Variants in EGFLAM observed in about 807,000 individuals in gnomAD.
EGFLAM encodes EGF like, fibronectin type III and laminin G domains, also known as pikachurin.
In EGFLAM, 79 loss-of-function variants were observed where a neutral mutation model predicts 113.1. The observed-to-expected ratio is 0.70, with a 90% CI of 0.58 to 0.84. The LOEUF is 0.84. Ranked by LOEUF, EGFLAM falls within the 40% of genes least tolerant of loss-of-function variation. The pLI, the probability that EGFLAM is intolerant of heterozygous loss-of-function variation, is 0.00. For synonymous variants in EGFLAM, 504 were observed against 487.6 expected (o/e 1.03, Z -0.44); for missense variants, 1,265 against 1,291.6 (o/e 0.98, Z 0.32).
rs772420859 is a variant in EGFLAM, at chr5:38,350,604, C to G, written c.395C>G (p.Thr132Ser). ...KGRLSSPRHV[T>S]TLSQDSCLPP... ...CGGCTGAGCTCTCCTCGGCATGTCA[C>G]CACTTTGTCCCAAGGTAAAGTAGGT... Residue 132 changes from threonine (T) to serine (S), a missense_variant, in exon 4 of 22, where the codon ACC becomes AGC. Transcript: ENST00000322350. 1 of 1,613,910 alleles carries G rather than the reference C, an allele frequency of 6.2e-7. No homozygotes were observed. The highest frequency in any genetic ancestry group is 2.2e-5 in the East Asian group (1 of 44,866).
chr5:38,351,656 A>T (rs188629908), intron 4 of EGFLAM, among the ~76,000 whole-genome samples: 129 of 152,300 alleles, frequency 8.5e-4, no homozygotes, highest in Non-Finnish European at 4.0e-4. Context: ...TGATGGGATC[A>T]TGGGTGACTC....
chr5:38,306,904 T>C (rs1217842029), intron 1 of EGFLAM, among the ~76,000 whole-genome samples: 2 of 152,192 alleles, frequency 1.3e-5, no homozygotes, highest in African/African-American at 2.4e-5. Flanking sequence ...GTAACTACTA[T>C]ATGAAGAGTC....
chr5:38,327,806 A>G (rs2589827), intron 1 of EGFLAM, among the ~76,000 whole-genome samples: 57,141 of 152,038 alleles, frequency 0.38, 14,506 homozygotes, highest in African/African-American at 0.72. Context: ...ACTGAACCAC[A>G]GACTTTATTT....
intron 1 of EGFLAM, among the ~76,000 whole-genome samples, chr5:38,287,979 G>T (rs982870299): frequency 6.6e-6 from 1 of 151,964 alleles, no homozygotes; most frequent in Non-Finnish European, 1.5e-5. Context: ...TTAACGCTTT[G>T]GAAAATTCCA....
chr5:38,456,213 A>T (rs186657892), intron 19 of EGFLAM, among the ~76,000 whole-genome samples: 7 of 152,240 alleles, frequency 4.6e-5, no homozygotes, highest in Admixed American at 3.3e-4. Context: ...ATTCCCTAGG[A>T]TTCTTCAGGG....
chr5:38,407,294 C>A, intron 8 of EGFLAM, 148 bp downstream of exon 8: 2 of 910,136 alleles, frequency 2.2e-6, no homozygotes, highest in Non-Finnish European at 1.6e-6. Flanking sequence ...ATTAACTATA[C>A]AAGGCAAATT....
At chr5:38,380,517 T>C (rs773168112) in intron 6 of EGFLAM, among the ~76,000 whole-genome samples, 6 of 152,086 alleles carry the variant, frequency 3.9e-5, no homozygotes, top group African/African-American at 4.8e-5. Flanking sequence ...GGCCAATGAG[T>C]CAGTGAGCTT....
intron 11 of EGFLAM, among the ~76,000 whole-genome samples, chr5:38,417,347 C>CAAAAAAAAACAAA (rs1741677977): frequency 1.5e-4 from 12 of 78,440 alleles, no homozygotes; most frequent in Non-Finnish European, 1.8e-4. Context: ...GACTCTGTCT[C>CAAAAAAAAACAAA]AAAAAAAAAA....
intron 1 of EGFLAM, among the ~76,000 whole-genome samples, chr5:38,263,308 A>G (rs1237221232): frequency 1.3e-5 from 2 of 152,088 alleles, no homozygotes; most frequent in Admixed American, 6.5e-5. Context: ...CAAAAAATAC[A>G]AAAATTAGCC....
intron 1 of EGFLAM, among the ~76,000 whole-genome samples, chr5:38,325,358 G>C (rs905624668): frequency 6.6e-6 from 1 of 152,184 alleles, no homozygotes; most frequent in Admixed American, 6.5e-5. Context: ...CTTACTACTG[G>C]TCCCTTCAGT....
At chr5:38,449,674 A>G (rs983029902) in intron 18 of EGFLAM, among the ~76,000 whole-genome samples, 1 of 149,990 alleles carries the variant, frequency 6.7e-6, no homozygotes, top group Admixed American at 6.7e-5. Flanking sequence ...GTGCGCATGC[A>G]TGTGTGTGTG....
At chr5:38,266,582 C>T in intron 1 of EGFLAM, among the ~76,000 whole-genome samples, 1 of 152,224 alleles carries the variant, frequency 6.6e-6, no homozygotes, top group African/African-American at 2.4e-5. Flanking sequence ...TTATTCTTTT[C>T]TATAGGTATT....
At chr5:38,285,417 C>T (rs957773469) in intron 1 of EGFLAM, among the ~76,000 whole-genome samples, 8 of 152,166 alleles carry the variant, frequency 5.3e-5, no homozygotes, top group African/African-American at 1.2e-4. Context: ...ACTGTCACAA[C>T]GGCCTCATTG....
At chr5:38,341,068 T>C (rs1250899217) in intron 3 of EGFLAM, among the ~76,000 whole-genome samples, 1 of 152,150 alleles carries the variant, frequency 6.6e-6, no homozygotes, top group African/African-American at 2.4e-5. Context: ...ACATATATCA[T>C]AGTGTGTCTT....
intron 1 of EGFLAM, among the ~76,000 whole-genome samples, chr5:38,285,046 C>T (rs1050385761): frequency 4.6e-5 from 7 of 152,134 alleles, no homozygotes; most frequent in Non-Finnish European, 7.3e-5. Context: ...ACTCTCTTGT[C>T]GAGTCCAATT....
At chr5:38,269,028 T>G (rs1397491534) in intron 1 of EGFLAM, among the ~76,000 whole-genome samples, 2 of 151,948 alleles carry the variant, frequency 1.3e-5, no homozygotes, top group East Asian at 3.9e-4. Flanking sequence ...ATACAAAAAA[T>G]TAGCCAGTTG....
chr5:38,309,803 G>A (rs1237718906), intron 1 of EGFLAM, among the ~76,000 whole-genome samples: 1 of 152,134 alleles, frequency 6.6e-6, no homozygotes, highest in Non-Finnish European at 1.5e-5. Context: ...ACATCCAAAG[G>A]GGACAGCCAG....
chr5:38,268,145 A>G (rs139180488), intron 1 of EGFLAM, among the ~76,000 whole-genome samples: 1 of 152,190 alleles, frequency 6.6e-6, no homozygotes, highest in Non-Finnish European at 1.5e-5. Flanking sequence ...CAGCAGATAC[A>G]AGCAGTTGCT....
At chr5:38,375,574 A>T (rs1203396642) in intron 6 of EGFLAM, among the ~76,000 whole-genome samples, 1 of 152,244 alleles carries the variant, frequency 6.6e-6, no homozygotes, top group South Asian at 2.1e-4. Context: ...GTAAGAAAAG[A>T]TAACACTTCA....
Sources: gnomAD v4.1 joint callset for allele counts (sites outside exome capture counted in the v4.1 genomes callset) on GRCh38, gnomAD v4.1.1 for gene constraint, MANE v1.5 for transcripts, NCBI Gene and HGNC (gene_info 2026-07-23, HGNC 2026-07-21) for gene names.